CLEC2A: variants seen among roughly 807,000 people sequenced by gnomAD.
CLEC2A encodes C-type lectin domain family 2 member A.
A neutral mutation model predicts 18.6 loss-of-function variants in CLEC2A; 19 were observed. The ratio of observed to expected loss-of-function variants is 1.02; its 90% CI spans 0.71 to 1.50. The LOEUF (loss-of-function observed/expected upper bound fraction) is 1.50, where lower values mean the gene tolerates loss of function less well. CLEC2A is among the 40% of genes most tolerant of loss of function. CLEC2A has a pLI of 0.00. For missense variants in CLEC2A, 190 were observed against 207.9 expected (o/e 0.91, Z 0.53); for synonymous variants, 74 against 64.0 (o/e 1.16, Z -0.75).
chr12:9,928,837 G>A (rs141626481), intron 1 of CLEC2A, among the ~76,000 whole-genome samples: 181 of 152,296 alleles, frequency 1.2e-3, no homozygotes, highest in Middle Eastern at 6.8e-3. Flanking sequence ...GAAAAAGACT[G>A]ACAGCACCAA....
chr12:9,911,776 G>T (rs992235796), downstream of CLEC2A, among the ~76,000 whole-genome samples: 2 of 152,084 alleles, frequency 1.3e-5, no homozygotes, highest in Admixed American at 6.5e-5. Context: ...AGAAAACCCA[G>T]TCCCTGGGCC....
Position 9,898,814 on chromosome 12 carries a change from T to G in CLEC2A, c.*90A>C, listed in dbSNP as rs1241854777. 8.0e-6 allele frequency: 5 copies of G among 626,244 alleles called. No homozygotes were observed. In the East Asian group the frequency reaches 1.4e-4, roughly 17 times the overall value. 38.8% of individuals were successfully genotyped at this position (626,244 alleles called of 1,614,324 possible). A position where few individuals can be genotyped will look rare whatever the true frequency, so the allele number is the denominator to read the frequency against. On this transcript the variant is annotated 3_prime_UTR_variant, in exon 5 of 5. Transcript: ENST00000339766. ...AGAAGTACATCTAACTGCCGTTATA[T>G]TAAGGATAAGGATGAAGACAGATTT...
downstream of CLEC2A, among the ~76,000 whole-genome samples, chr12:9,910,837 G>A (rs1862974077): frequency 6.6e-6 from 1 of 152,122 alleles, no homozygotes; most frequent in Non-Finnish European, 1.5e-5. Flanking sequence ...GAGAGAGTGT[G>A]ACGCATCTCC....
chr12:9,918,407 G>A (rs770414418), intron 3 of CLEC2A, among the ~76,000 whole-genome samples: 1 of 152,138 alleles, frequency 6.6e-6, no homozygotes, highest in South Asian at 2.1e-4. Context: ...TCAGATGGTC[G>A]TAGGTGTGTG....
chr12:9,920,318 G>A (rs1403789802), intron 3 of CLEC2A, among the ~76,000 whole-genome samples: 1 of 152,154 alleles, frequency 6.6e-6, no homozygotes, highest in Non-Finnish European at 1.5e-5. Flanking sequence ...AGGCTCCCGG[G>A]TCACTGCACA....
At chr12:9,895,911 T>C (rs1862751234), downstream of CLEC2A, 10 of 1,362,368 alleles carry the variant, frequency 7.3e-6, no homozygotes, top group Admixed American at 3.2e-5. Flanking sequence ...TTAGATAAAG[T>C]TTCTAACAGA....
intron 3 of CLEC2A, among the ~76,000 whole-genome samples, chr12:9,920,766 G>A (rs1863159296): frequency 6.6e-6 from 1 of 152,106 alleles, no homozygotes; most frequent in African/African-American, 2.4e-5. Flanking sequence ...TGTCCCTAGA[G>A]TCCACGTGTC....
rs1475696437 is a variant in CLEC2A, at chr12:9,927,164, T to C, written c.56-821A>G. 1.3e-5 allele frequency among the ~76,000 whole-genome samples: 2 copies of C among 152,170 alleles called. 1 individual carries two copies. The highest frequency in any genetic ancestry group is 4.8e-5 in the African/African-American group (2 of 41,434). On this transcript the variant is annotated intron_variant, in intron 1 of 4. Transcript: ENST00000455827. The stretch of plus-strand genomic sequence containing the variant: ...TGTACTTACACAAACTTAGACAGTA[T>C]AGCCTACTAACACCTAGGCTATATA...
intron 4 of CLEC2A, among the ~76,000 whole-genome samples, chr12:9,900,300 G>A (rs975485987): frequency 6.6e-6 from 1 of 152,144 alleles, no homozygotes; most frequent in Non-Finnish European, 1.5e-5. Context: ...TGCTTCACAA[G>A]AACATGCAGG....
chr12:9,929,301 A>G (rs1414007576), intron 1 of CLEC2A, among the ~76,000 whole-genome samples: 1 of 152,100 alleles, frequency 6.6e-6, no homozygotes, highest in Non-Finnish European at 1.5e-5. Flanking sequence ...GTACTACACT[A>G]TTGCTAAACA....
chr12:9,887,404 A>C, the CLEC2A span, among the ~76,000 whole-genome samples: 1 of 152,232 alleles, frequency 6.6e-6, no homozygotes, highest in South Asian at 2.1e-4. Context: ...TCAGATTTTT[A>C]AACGCACCTA....
chr12:9,879,482 G>T, the CLEC2A span, among the ~76,000 whole-genome samples: 1 of 152,146 alleles, frequency 6.6e-6, no homozygotes, highest in African/African-American at 2.4e-5. Context: ...CTATACACTG[G>T]GAAAAAGCTG....
At chr12:9,881,604 T>A in the CLEC2A span, 3 of 1,533,420 alleles carry the variant, frequency 2.0e-6, no homozygotes, top group African/African-American at 2.7e-5. Context: ...AGATGGAGAA[T>A]GAAGATGGGT....
At chr12:9,888,987 GA>G in the CLEC2A span, among the ~76,000 whole-genome samples, 6 of 151,594 alleles carry the variant, frequency 4.0e-5, no homozygotes, top group East Asian at 3.9e-4. Flanking sequence ...TTTCTAGGAG[GA>G]AAAAAAATAG....
chr12:9,926,590 G>A (rs1863276273), intron 1 of CLEC2A, among the ~76,000 whole-genome samples: 1 of 152,042 alleles, frequency 6.6e-6, no homozygotes, highest in African/African-American at 2.4e-5. Context: ...GGGGGAATGA[G>A]GAAGGAAAGG....
At chr12:9,927,336 C>T (rs1863291076) in intron 1 of CLEC2A, among the ~76,000 whole-genome samples, 1 of 152,140 alleles carries the variant, frequency 6.6e-6, no homozygotes, top group Non-Finnish European at 1.5e-5. Flanking sequence ...AAAAATGGTA[C>T]ACCTTTACAA....
chr12:9,909,228 TC>T (rs751624581), downstream of CLEC2A, among the ~76,000 whole-genome samples: 5 of 152,166 alleles, frequency 3.3e-5, no homozygotes, highest in Non-Finnish European at 7.4e-5. Context: ...AGAGTCTGAG[TC>T]CAGGGTACTT....
At chr12:9,891,887 T>A in the CLEC2A span, among the ~76,000 whole-genome samples, 3 of 152,220 alleles carry the variant, frequency 2.0e-5, no homozygotes, top group African/African-American at 7.2e-5. Flanking sequence ...GGGTCATAGT[T>A]GACAGACTAA....
chr12:9,889,462 G>C, the CLEC2A span, among the ~76,000 whole-genome samples: 2 of 152,080 alleles, frequency 1.3e-5, no homozygotes, highest in Admixed American at 6.6e-5. Context: ...GAAAGTCTTA[G>C]AAAAACTGCT....
Sources: gnomAD v4.1 joint callset for allele counts (sites outside exome capture counted in the v4.1 genomes callset) on GRCh38, gnomAD v4.1.1 for gene constraint, MANE v1.5 for transcripts, NCBI Gene and HGNC (gene_info 2026-07-23, HGNC 2026-07-21) for gene names.